CHCHD3: variants seen among roughly 807,000 people sequenced by gnomAD.
CHCHD3 encodes coiled-coil-helix-coiled-coil-helix domain containing 3.
In CHCHD3, 20 loss-of-function variants were observed where a neutral mutation model predicts 38.2. That is an observed-to-expected ratio of 0.52 (90% CI 0.37 to 0.76). The LOEUF (loss-of-function observed/expected upper bound fraction) is 0.76. CHCHD3 is among the 30% of genes least tolerant of loss of function. The probability of loss-of-function intolerance (pLI) is 0.00; values close to 1 mark genes in which losing one functional copy is unlikely to be tolerated. For missense variants in CHCHD3, 245 were observed against 279.2 expected, an observed-to-expected ratio of 0.88 and a Z score of 0.87; for synonymous variants, 82 against 100.0, an observed-to-expected ratio of 0.82 and a Z score of 1.07.
At chr7:132,964,076 A>C (rs992215594) in intron 4 of CHCHD3, among the ~76,000 whole-genome samples, 1 of 152,210 alleles carries the variant, frequency 6.6e-6, no homozygotes. Flanking sequence ...ATTTCTCATA[A>C]AATTCAATGA....
At chr7:132,910,525 G>C (rs1177941505) in intron 4 of CHCHD3, among the ~76,000 whole-genome samples, 1 of 152,166 alleles carries the variant, frequency 6.6e-6, no homozygotes, top group African/African-American at 2.4e-5. Flanking sequence ...TATTTCTGCA[G>C]TTTCCCTTTG....
intron 4 of CHCHD3, among the ~76,000 whole-genome samples, chr7:132,963,427 C>T (rs1279754492): frequency 5.8e-5 from 8 of 139,028 alleles, no homozygotes; most frequent in Non-Finnish European, 1.2e-4. Context: ...GTCGGGAGAT[C>T]GAGACCATCC....
chr7:133,046,809 C>T (rs538105944), intron 2 of CHCHD3, among the ~76,000 whole-genome samples: 4 of 152,286 alleles, frequency 2.6e-5, no homozygotes, highest in South Asian at 2.1e-4. Context: ...GTGATCTGCC[C>T]GTCTCGGCCT....
intron 4 of CHCHD3, among the ~76,000 whole-genome samples, chr7:132,940,087 A>G (rs10233020): frequency 0.37 from 56,773 of 152,058 alleles, 11,194 homozygotes; most frequent in Non-Finnish European, 0.44. Flanking sequence ...GAGAAAGTAC[A>G]TGGACAAGAA....
chr7:132,845,380 CTG>C (rs751375120), intron 5 of CHCHD3, among the ~76,000 whole-genome samples: 8 of 152,240 alleles, frequency 5.3e-5, no homozygotes, highest in Non-Finnish European at 7.4e-5. Flanking sequence ...AAATTTAAAT[CTG>C]TAAAACAAAA....
intron 6 of CHCHD3, among the ~76,000 whole-genome samples, chr7:132,812,013 A>T (rs954852714): frequency 1.3e-5 from 2 of 151,946 alleles, no homozygotes; most frequent in African/African-American, 4.8e-5. Flanking sequence ...TTAAAACTGA[A>T]CTAATTCCCT....
intron 4 of CHCHD3, among the ~76,000 whole-genome samples, chr7:132,918,312 A>G (rs1810169241): frequency 6.6e-6 from 1 of 152,320 alleles, no homozygotes; most frequent in South Asian, 2.1e-4. Context: ...CCCAGGCTTT[A>G]GATTCCCCAT....
At chr7:133,061,354 C>T (rs1407974211) in intron 2 of CHCHD3, among the ~76,000 whole-genome samples, 2 of 151,512 alleles carry the variant, frequency 1.3e-5, no homozygotes, top group South Asian at 2.1e-4. Context: ...AACTGCAAAG[C>T]GTAACATAAT....
At position 133,024,642 on chromosome 7, in the gene CHCHD3, G is replaced by A; in HGVS notation, c.170-15C>T. ...TTCATCAGAAACTAGAATCGATAAA[G>A]AGCAGAAGGAGATAAAATAGGTGAC... is the stretch of plus-strand genomic sequence containing the variant. On this transcript the variant is annotated splice_polypyrimidine_tract_variant and intron_variant, in intron 2 of 7. Coordinates refer to ENST00000262570, the MANE Select transcript of CHCHD3 (RefSeq NM_017812.4). 1 of 1,570,346 alleles carries A rather than the reference G, an allele frequency of 6.4e-7. No homozygotes were observed. Among genetic ancestry groups the A allele is most frequent in the Non-Finnish European group, 8.8e-7 (1 of 1,140,582 alleles).
At chr7:132,948,684 A>AT (rs1810962219) in intron 4 of CHCHD3, among the ~76,000 whole-genome samples, 1 of 152,060 alleles carries the variant, frequency 6.6e-6, no homozygotes, top group Non-Finnish European at 1.5e-5. Context: ...TTTTTAAGAT[A>AT]TTTTTTCCAC....
chr7:132,907,871 T>C (rs1809835914), intron 4 of CHCHD3, among the ~76,000 whole-genome samples: 1 of 152,026 alleles, frequency 6.6e-6, no homozygotes, highest in African/African-American at 2.4e-5. Flanking sequence ...CTAAATATCT[T>C]CTAAAGGAAA....
At chr7:132,865,607 G>A (rs1020792490) in intron 5 of CHCHD3, among the ~76,000 whole-genome samples, 1 of 152,128 alleles carries the variant, frequency 6.6e-6, no homozygotes. Flanking sequence ...TACTGCTTGA[G>A]ACCATCATTA....
At chr7:132,840,791 A>T (rs958652312) in intron 5 of CHCHD3, among the ~76,000 whole-genome samples, 1 of 152,160 alleles carries the variant, frequency 6.6e-6, no homozygotes, top group South Asian at 2.1e-4. Context: ...ATGTGCACAA[A>T]AGCAACAGTT....
At chr7:132,921,507 A>G (rs1356185296) in intron 4 of CHCHD3, among the ~76,000 whole-genome samples, 1 of 152,206 alleles carries the variant, frequency 6.6e-6, no homozygotes, top group Non-Finnish European at 1.5e-5. Context: ...AAAAGTAAAC[A>G]GTAAATAAAC....
intron 2 of CHCHD3, among the ~76,000 whole-genome samples, chr7:133,046,535 A>G (rs1465581934): frequency 2.0e-5 from 3 of 151,914 alleles, no homozygotes; most frequent in Non-Finnish European, 4.4e-5. Flanking sequence ...TTAATTATAT[A>G]TAATTGGTTT....
At chr7:132,960,171 A>G (rs1395545606) in intron 4 of CHCHD3, among the ~76,000 whole-genome samples, 2 of 152,078 alleles carry the variant, frequency 1.3e-5, no homozygotes, top group African/African-American at 4.8e-5. Flanking sequence ...CAAGGACAAA[A>G]CCTGACTACA....
At chr7:132,937,715 T>G (rs1043463760) in intron 4 of CHCHD3, among the ~76,000 whole-genome samples, 1 of 152,198 alleles carries the variant, frequency 6.6e-6, no homozygotes, top group African/African-American at 2.4e-5. Context: ...TCAGAAAATC[T>G]TACACTTAGG....
At chr7:133,081,182 C>T (rs1451479732) in intron 1 of CHCHD3, among the ~76,000 whole-genome samples, 2 of 152,192 alleles carry the variant, frequency 1.3e-5, no homozygotes, top group South Asian at 4.1e-4. Context: ...CCCATCTCAG[C>T]CCCTATCAGA....
intron 3 of CHCHD3, among the ~76,000 whole-genome samples, chr7:133,022,025 T>G (rs965666617): frequency 6.6e-6 from 1 of 151,806 alleles, no homozygotes; most frequent in African/African-American, 2.4e-5. Context: ...AGGTGGAGGT[T>G]GCAGTGAGCT....
Sources: allele counts gnomAD v4.1 joint callset (sites outside exome capture counted in the v4.1 genomes callset), GRCh38; gene constraint gnomAD v4.1.1; transcripts MANE v1.5; gene names NCBI Gene and HGNC (gene_info 2026-07-23, HGNC 2026-07-21).